The following APCDD1L variants were observed in gnomAD, a reference collection of about 807,000 sequenced individuals.
The protein encoded by APCDD1L is APC down-regulated 1 like.
A neutral mutation model predicts 24.2 loss-of-function variants in APCDD1L; 21 were observed. That is an observed-to-expected ratio of 0.87 (90% CI 0.61 to 1.25). The LOEUF (loss-of-function observed/expected upper bound fraction) is 1.25, where lower values mean the gene tolerates loss of function less well. APCDD1L is among the 50% of genes most tolerant of loss of function. The pLI, the probability that APCDD1L is intolerant of heterozygous loss-of-function variation, is 0.00. For missense variants in APCDD1L, 704 were observed against 711.7 expected (o/e 0.99, Z 0.12); for synonymous variants, 321 against 323.6 (o/e 0.99, Z 0.09).
chr20:58,479,388 A>G (rs1989979677), intron 1 of APCDD1L, among the ~76,000 whole-genome samples: 1 of 152,216 alleles, frequency 6.6e-6, no homozygotes, highest in Admixed American at 6.5e-5. Flanking sequence ...CAGATTAGAC[A>G]GCAGAGCTCT....
chr20:58,473,792 T>C (rs553396994), intron 1 of APCDD1L, among the ~76,000 whole-genome samples: 5 of 152,368 alleles, frequency 3.3e-5, no homozygotes, highest in African/African-American at 9.6e-5. Context: ...CTGTCATTCA[T>C]TATTTACTGT....
chr20:58,463,893 TTGG>T lies in APCDD1L; in HGVS notation c.742-2342_742-2340del, dbSNP rs200624381. On this transcript the variant is annotated intron_variant, in intron 3 of 3. Coordinates refer to ENST00000371149, the MANE Select transcript of APCDD1L (RefSeq NM_153360.3). ...CTGGATGATTGAGAACAGTTTTTTT[TTGG>T]GGGGGGGGGGCGTCACATTTTATAA... 1.7e-3 allele frequency among the ~76,000 whole-genome samples: 95 copies of T among 56,426 alleles called. 2 individuals are homozygous for T. Among genetic ancestry groups the T allele is most frequent in the East Asian group, 9.6e-3 (18 of 1,884 alleles). 37.0% of individuals were successfully genotyped at this position (56,426 alleles called of 152,430 possible). A position where few individuals can be genotyped will look rare whatever the true frequency, so the allele number is the denominator to read the frequency against.
chr20:58,501,030 G>A (rs1012908478), intron 1 of APCDD1L, among the ~76,000 whole-genome samples: 1 of 152,112 alleles, frequency 6.6e-6, no homozygotes. Flanking sequence ...CTTTAAAGAT[G>A]AACCCCTGGG....
intron 3 of APCDD1L, among the ~76,000 whole-genome samples, chr20:58,464,768 C>A (rs1474788625): frequency 6.6e-6 from 1 of 152,180 alleles, no homozygotes; most frequent in Non-Finnish European, 1.5e-5. Context: ...GCGTGGGCCC[C>A]AGAGAGCTTA....
At position 58,467,003 on chromosome 20, in the gene APCDD1L, G is replaced by A; in HGVS notation, c.741+103C>T. ...CAGTGATGACAGCCGGGCAGCCAGA[G>A]CCCTGGGCAGGCCCAGGTCTTGCAA... On this transcript the variant is annotated intron_variant, in intron 3 of 3. Coordinates refer to ENST00000371149, the MANE Select transcript of APCDD1L (RefSeq NM_153360.3). The surrounding 1 kb of genome is among the most constrained non-coding windows in gnomAD (Gnocchi z 5.9). The A allele has an allele frequency of 7.1e-7, 1 of 1,410,606 alleles. No homozygotes were observed. The highest frequency in any genetic ancestry group is 2.5e-5 in the Admixed American group (1 of 39,618). The allele number at this position is 1,410,606 out of a possible 1,614,324, so 87.4% of individuals were successfully genotyped here. A position where few individuals can be genotyped will look rare whatever the true frequency, so the allele number is the denominator to read the frequency against.
At chr20:58,484,706 G>A (rs544926614) in intron 1 of APCDD1L, among the ~76,000 whole-genome samples, 1 of 152,328 alleles carries the variant, frequency 6.6e-6, no homozygotes, top group Admixed American at 6.5e-5. Flanking sequence ...AGCAGGAGAT[G>A]TAATAACTCA....
At chr20:58,486,921 GC>G (rs529126589) in intron 1 of APCDD1L, among the ~76,000 whole-genome samples, 48 of 134,456 alleles carry the variant, frequency 3.6e-4, no homozygotes, top group Non-Finnish European at 5.9e-4. Flanking sequence ...GAGTGCAGTG[GC>G]ACAATCTTGG....
chr20:58,467,581 T>G lies in APCDD1L; in HGVS notation c.266A>C (p.Gln89Pro), dbSNP rs756114609. 9 of 1,567,506 alleles carry G rather than the reference T, an allele frequency of 5.7e-6. No individual in the cohort carries two copies. The Middle Eastern group carries it at 5.1e-4, about 88-fold the overall frequency. Reference protein sequence around the residue: ...FYPSRLFRAHQFYYEDPFCGE... With the variant: ...FYPSRLFRAHPFYYEDPFCGE... ...GCAGAAGGGGTCCTCGTAGTAGAAC[T>G]GGTGGGCTCGAAAGAGCCGGCTGGG... is the stretch of plus-strand genomic sequence containing the variant. The change falls in exon 3 of 4, where the codon CAG (glutamine) becomes CCG (proline). Residue 89 changes from glutamine (Q) to proline (P), a missense_variant. By Grantham distance (76) the Gln-to-Pro change is moderately conservative. Coordinates refer to ENST00000371149, the MANE Select transcript of APCDD1L (RefSeq NM_153360.3). This position sits in a 1 kb window ranked among gnomAD's most constrained non-coding sequence, Gnocchi z 5.9.
At chr20:58,488,023 T>TC (rs1260043540) in intron 1 of APCDD1L, among the ~76,000 whole-genome samples, 1 of 152,040 alleles carries the variant, frequency 6.6e-6, no homozygotes. Flanking sequence ...TATACAGTGG[T>TC]CCCCCCATGT....
At chr20:58,475,082 G>A (rs988582137) in intron 1 of APCDD1L, among the ~76,000 whole-genome samples, 2 of 152,116 alleles carry the variant, frequency 1.3e-5, no homozygotes, top group African/African-American at 4.8e-5. Flanking sequence ...TTCACTCCTG[G>A]GGCCACAATT....
intron 1 of APCDD1L, among the ~76,000 whole-genome samples, chr20:58,496,130 A>C (rs544059700): frequency 7.2e-5 from 11 of 152,304 alleles, no homozygotes; most frequent in African/African-American, 2.6e-4. Context: ...TCTGAATCCT[A>C]AAAAAGGCCT....
chr20:58,504,384 C>T (rs887226335), intron 1 of APCDD1L, among the ~76,000 whole-genome samples: 6 of 152,134 alleles, frequency 3.9e-5, no homozygotes, highest in Admixed American at 1.3e-4. Flanking sequence ...TGCCCTTTCA[C>T]GCATTCTGGA....
At position 58,461,066 on chromosome 20, in the gene APCDD1L, C is replaced by T; in HGVS notation, c.1230G>A (p.Glu410=). Residue 410 remains glutamate, a synonymous_variant, in exon 4 of 4, where the codon GAG becomes GAA. Transcript: ENST00000371149. The surrounding 1 kb of genome is among the most constrained non-coding windows in gnomAD (Gnocchi z 6.0). ...LPLGIRLPHV[E]YELFKMEQDP... is the part of the protein sequence containing the mutation. ...CTTGTTCCATCTTGAAAAGCTCGTA[C>T]TCCACATGCGGGAGCCGGATGCCCA... 6.2e-7 allele frequency: 1 copy of T among 1,614,108 alleles called. No homozygotes were observed. Among genetic ancestry groups the T allele is most frequent in the Non-Finnish European group, 8.5e-7 (1 of 1,179,994 alleles).
intron 1 of APCDD1L, among the ~76,000 whole-genome samples, chr20:58,510,580 C>T (rs182414943): frequency 1.3e-5 from 2 of 152,324 alleles, no homozygotes; most frequent in Non-Finnish European, 2.9e-5. Context: ...GATCTGCCCA[C>T]TTCGGCCTCC....
Position 58,467,990 on chromosome 20 carries a change from G to T in APCDD1L, c.189-332C>A, listed in dbSNP as rs566105094. 3.3e-5 allele frequency among the ~76,000 whole-genome samples: 5 copies of T among 152,090 alleles called. No homozygotes were observed. The East Asian group carries it at 9.7e-4, about 29-fold the overall frequency. Reference sequence around the variant, plus strand: ...GGATGCCCTGCCTGCTTCCTCCCCCGCTGGACTCTGGGCACCTGGCCCAGA... The same window carrying T: ...GGATGCCCTGCCTGCTTCCTCCCCCTCTGGACTCTGGGCACCTGGCCCAGA... On this transcript the variant is annotated intron_variant, in intron 2 of 3. Coordinates refer to ENST00000371149, the MANE Select transcript of APCDD1L (RefSeq NM_153360.3). The surrounding 1 kb of genome is among the most constrained non-coding windows in gnomAD (Gnocchi z 5.9).
At chr20:58,470,525 C>A in intron 2 of APCDD1L, 84 bp downstream of exon 2, 1 of 1,462,608 alleles carries the variant, frequency 6.8e-7, no homozygotes, top group Non-Finnish European at 9.1e-7. Context: ...TGAATTATGC[C>A]CATTTCAAAG....
intron 1 of APCDD1L, among the ~76,000 whole-genome samples, chr20:58,479,219 TACTATATATTTCA>T (rs1989976612): frequency 6.6e-6 from 1 of 152,214 alleles, no homozygotes; most frequent in East Asian, 1.9e-4. Flanking sequence ...CGGCTCCAAG[TACTATATATTTCA>T]ACATGTAACA....
In APCDD1L at chr20:58,461,586, G is replaced by A; in HGVS notation, c.742-32C>T. 1 of 1,408,364 alleles carries A rather than the reference G, an allele frequency of 7.1e-7. No individual in the cohort carries two copies. Among genetic ancestry groups the A allele is most frequent in the South Asian group, 1.8e-5 (1 of 56,894 alleles). The allele number at this position is 1,408,364 out of a possible 1,614,324, so 87.2% of individuals were successfully genotyped here. On this transcript the variant is annotated intron_variant, in intron 3 of 3. Transcript: ENST00000371149. The surrounding 1 kb of genome is among the most constrained non-coding windows in gnomAD (Gnocchi z 6.0). ...AAAGACAAACAGAAAAACGGTGGTT[G>A]TCCCACATAGAGAAGTTGGGGTGCA...
intron 1 of APCDD1L, among the ~76,000 whole-genome samples, chr20:58,489,793 G>C (rs1387759344): frequency 7.2e-5 from 11 of 152,264 alleles, no homozygotes; most frequent in Admixed American, 3.3e-4. Flanking sequence ...TCTTAGTATG[G>C]ACGGCAGATC....
Sources: allele counts gnomAD v4.1 joint callset (sites outside exome capture counted in the v4.1 genomes callset), GRCh38; gene constraint gnomAD v4.1.1; non-coding constraint Gnocchi (gnomAD v3.1); transcripts MANE v1.5; gene names NCBI Gene and HGNC (gene_info 2026-07-23, HGNC 2026-07-21).